The following CLRN1 variants were observed in gnomAD, a reference collection of about 807,000 sequenced individuals.
CLRN1 encodes the protein clarin-1.
A neutral mutation model predicts 18.7 loss-of-function variants in CLRN1; 15 were observed. The ratio of observed to expected loss-of-function variants is 0.80; its 90% CI spans 0.54 to 1.23. The LOEUF (loss-of-function observed/expected upper bound fraction) is 1.23. Among genes scored for constraint, CLRN1 ranks in the 50% most tolerant of loss-of-function variants. CLRN1 has a pLI of 0.00. For missense variants in CLRN1, 311 were observed against 277.5 expected, an observed-to-expected ratio of 1.12 and a Z score of -0.86; for synonymous variants, 104 against 102.9, an observed-to-expected ratio of 1.01 and a Z score of -0.07.
intron 1 of CLRN1, chr3:150,945,722 C>G (rs1714129824): frequency 9.8e-7 from 1 of 1,017,304 alleles, no homozygotes; most frequent in African/African-American, 1.6e-5. Context: ...TTTGAGATAC[C>G]ATTTTCAATA....
At chr3:150,937,196 A>C (rs1332971921) in intron 2 of CLRN1, among the ~76,000 whole-genome samples, 1 of 152,098 alleles carries the variant, frequency 6.6e-6, no homozygotes, top group Non-Finnish European at 1.5e-5. Flanking sequence ...CCTTATTGTA[A>C]TTATTGCAAT....
intron 1 of CLRN1, among the ~76,000 whole-genome samples, chr3:150,965,963 T>TC (rs1455081233): frequency 1.3e-5 from 2 of 152,236 alleles, no homozygotes; most frequent in Non-Finnish European, 2.9e-5. Context: ...TTAAAGTCAT[T>TC]TTCTCCATAT....
chr3:150,943,769 G>GT, intron 1 of CLRN1: 3 of 1,613,166 alleles, frequency 1.9e-6, no homozygotes, highest in Non-Finnish European at 2.5e-6. Flanking sequence ...GCAGAGCTAC[G>GT]AGAGCATTGT....
intron 2 of CLRN1, among the ~76,000 whole-genome samples, chr3:150,939,763 A>G (rs1217328188): frequency 6.6e-6 from 1 of 152,166 alleles, no homozygotes; most frequent in Non-Finnish European, 1.5e-5. Context: ...CACCACCCGG[A>G]TCCACCTGTT....
At chr3:150,969,311 ATATTTTTTTTTTTTTTTTTT>A (rs1168019429) in intron 1 of CLRN1, among the ~76,000 whole-genome samples, 1 of 59,862 alleles carries the variant, frequency 1.7e-5, no homozygotes, top group African/African-American at 7.4e-5. Context: ...ATATATATAT[ATATTTTTTTTTTTTTTTTTT>A]TTTTTTTTTT....
intron 1 of CLRN1, among the ~76,000 whole-genome samples, chr3:150,950,747 T>A (rs142435814): frequency 2.6e-5 from 4 of 152,336 alleles, no homozygotes; most frequent in African/African-American, 9.6e-5. Context: ...GTATGGTGAT[T>A]CTGCAAAGAG....
chr3:150,941,933 G>A (rs1454755989), intron 1 of CLRN1, among the ~76,000 whole-genome samples, 172 bp from the exon 2 acceptor site: 1 of 152,160 alleles, frequency 6.6e-6, no homozygotes, highest in Non-Finnish European at 1.5e-5. Flanking sequence ...TTTAAAGATA[G>A]GATCATTTTA....
chr3:150,946,900 C>T (rs1489176128), intron 1 of CLRN1, among the ~76,000 whole-genome samples: 1 of 114,722 alleles, frequency 8.7e-6, no homozygotes, highest in Non-Finnish European at 1.7e-5. Flanking sequence ...CTCCCCCCTC[C>T]CCCCACCCCA....
intron 2 of CLRN1, among the ~76,000 whole-genome samples, chr3:150,933,687 G>T (rs147804457): frequency 1.2e-4 from 19 of 152,250 alleles, no homozygotes; most frequent in Non-Finnish European, 2.5e-4. Flanking sequence ...AGTAGGATAA[G>T]AATCTCTTTG....
chr3:150,943,955 C>G (rs747933341), intron 1 of CLRN1: 2 of 1,575,830 alleles, frequency 1.3e-6, no homozygotes, highest in Admixed American at 1.8e-5. Context: ...ATGGGGTACC[C>G]CTGTTGGGAG....
chr3:150,954,000 A>T (rs1714617056), intron 1 of CLRN1, among the ~76,000 whole-genome samples: 1 of 152,246 alleles, frequency 6.6e-6, no homozygotes, highest in African/African-American at 2.4e-5. Context: ...AGATTAAAGT[A>T]AAATTAGCAG....
At position 150,936,794 on chromosome 3, in the gene CLRN1, A is replaced by G. The variant is rs749029575; in HGVS notation, c.433+4788T>C. ...TCTAACCTCATTTTTTCCTTGTGCCATTTCCCCTCACTACCCAGCACCTAG... is the reference window on the plus strand; with the variant it reads ...TCTAACCTCATTTTTTCCTTGTGCCGTTTCCCCTCACTACCCAGCACCTAG... On this transcript the variant is annotated intron_variant, in intron 2 of 2. Transcript: ENST00000327047. 5.9e-5 allele frequency among the ~76,000 whole-genome samples: 9 copies of G among 152,142 alleles called. No homozygotes were observed. The South Asian group carries it at 1.5e-3, about 25-fold the overall frequency.
chr3:150,943,740 A>T, intron 1 of CLRN1: 1 of 1,609,778 alleles, frequency 6.2e-7, no homozygotes, highest in African/African-American at 1.3e-5. Flanking sequence ...AGCTGACAAC[A>T]CACTGCTGTC....
At chr3:150,943,991 C>T (rs1178113539) in intron 1 of CLRN1, 2 of 1,275,420 alleles carry the variant, frequency 1.6e-6, no homozygotes, top group South Asian at 2.5e-5. Flanking sequence ...AAGAAAATAG[C>T]CTGCATCAAC....
intron 1 of CLRN1, among the ~76,000 whole-genome samples, chr3:150,946,586 G>A (rs759063482): frequency 2.5e-4 from 38 of 151,032 alleles, no homozygotes; most frequent in Non-Finnish European, 4.3e-4. Flanking sequence ...AAGGATAAAC[G>A]AAGACATAAA....
intron 1 of CLRN1, among the ~76,000 whole-genome samples, chr3:150,968,104 C>A (rs796704276): frequency 2.6e-5 from 4 of 152,008 alleles, no homozygotes; most frequent in African/African-American, 7.3e-5. Context: ...AAAATAATTC[C>A]ATATGTTTTT....
intron 1 of CLRN1, among the ~76,000 whole-genome samples, chr3:150,942,085 C>A (rs573746673): frequency 6.6e-6 from 1 of 151,536 alleles, no homozygotes; most frequent in South Asian, 2.1e-4. Flanking sequence ...CCTTTAATGA[C>A]CTTTCTCGGT....
At chr3:150,936,069 T>G (rs2107940902) in intron 2 of CLRN1, among the ~76,000 whole-genome samples, 1 of 152,284 alleles carries the variant, frequency 6.6e-6, no homozygotes, top group African/African-American at 2.4e-5. Flanking sequence ...GAGTAGGTTG[T>G]GAAAATTTTC....
chr3:150,943,049 G>A (rs1713951786), intron 1 of CLRN1, among the ~76,000 whole-genome samples: 1 of 152,188 alleles, frequency 6.6e-6, no homozygotes, highest in Non-Finnish European at 1.5e-5. Context: ...CAGTTGCTAT[G>A]TAACTGCAAC....
Sources: allele counts gnomAD v4.1 joint callset (sites outside exome capture counted in the v4.1 genomes callset), GRCh38; gene constraint gnomAD v4.1.1; transcripts MANE v1.5; gene names NCBI Gene and HGNC (gene_info 2026-07-23, HGNC 2026-07-21).